Variants in RBAK observed in about 807,000 individuals in gnomAD.
The protein encoded by RBAK is RB associated KRAB zinc finger, also known as RB-associated KRAB zinc finger protein.
RBAK carries 39 observed loss-of-function variants against 65.8 expected under a neutral mutation model. That is an observed-to-expected ratio of 0.59 (90% CI 0.46 to 0.77). The LOEUF (loss-of-function observed/expected upper bound fraction) is 0.77, where lower values mean the gene tolerates loss of function less well. Ranked by LOEUF, RBAK falls within the 30% of genes least tolerant of loss-of-function variation. RBAK has a pLI of 0.00. For missense variants in RBAK, 884 were observed against 855.1 expected (o/e 1.03, Z -0.42); for synonymous variants, 343 against 289.7 (o/e 1.18, Z -1.87).
In RBAK at chr7:5,064,137, C is replaced by T; in HGVS notation, c.681C>T (p.Tyr227=). The part of the protein sequence containing the change: ...EAVFIAHKRA[Y]IGEKPYEWND... Reference sequence around the variant, plus strand: ...TTTTTATTGCTCATAAGAGAGCTTACATAGGGGAGAAGCCCTATGAGTGGA... The same window carrying T: ...TTTTTATTGCTCATAAGAGAGCTTATATAGGGGAGAAGCCCTATGAGTGGA... Residue 227 remains tyrosine, a synonymous_variant, in exon 5 of 5, where the codon TAC becomes TAT. Transcript: ENST00000396912. This position sits in a 1 kb window ranked among gnomAD's most constrained non-coding sequence, Gnocchi z 6.3. The T allele has an allele frequency of 6.2e-7, 1 of 1,613,926 alleles. No homozygotes were observed. Among genetic ancestry groups the T allele is most frequent in the East Asian group, 2.2e-5 (1 of 44,876 alleles).
rs1779243694 is a variant in RBAK, at chr7:5,067,273, A to C, written c.*1672A>C. ...AACTTTAAAAACGAAAAAGAATATA[A>C]ATCTCTATTTGCAGATGCCATGAGT... On this transcript the variant is annotated 3_prime_UTR_variant, in exon 5 of 5. Transcript: ENST00000396912. 6.6e-6 allele frequency: 1 copy of C among 152,184 alleles called. No individual in the cohort carries two copies. The allele number at this position is 152,184 out of a possible 1,614,324, so 9.4% of individuals were successfully genotyped here.
chr7:5,063,102 G>T (rs1350771792), intron 4 of RBAK, among the ~76,000 whole-genome samples: 1 of 152,200 alleles, frequency 6.6e-6, no homozygotes, highest in Non-Finnish European at 1.5e-5. Flanking sequence ...GATTGGGGAA[G>T]TGATAAGTGT....
Position 5,064,791 on chromosome 7 carries a change from T to A in RBAK, c.1335T>A (p.Thr445=), listed in dbSNP as rs765474768. 1 of 1,613,978 alleles carries A rather than the reference T, an allele frequency of 6.2e-7. No homozygotes were observed. The highest frequency in any genetic ancestry group is 1.3e-5 in the African/African-American group (1 of 74,944). Reference sequence around the variant, plus strand: ...TCTTTTCTCGGGTGTCATACCTCACTATACATTATAGAAGTCATTTAGAAG... The same window carrying A: ...TCTTTTCTCGGGTGTCATACCTCACAATACATTATAGAAGTCATTTAGAAG... The part of the protein sequence containing the change: ...GKFFSRVSYL[T]IHYRSHLEEK... Residue 445 remains threonine, a synonymous_variant, in exon 5 of 5, where the codon ACT becomes ACA. Coordinates refer to ENST00000396912, the MANE Select transcript of RBAK (RefSeq NM_021163.4). The surrounding 1 kb of genome is among the most constrained non-coding windows in gnomAD (Gnocchi z 6.3).
intron 4 of RBAK, among the ~76,000 whole-genome samples, chr7:5,059,628 G>A (rs937038767): frequency 6.6e-6 from 1 of 152,124 alleles, no homozygotes; most frequent in Non-Finnish European, 1.5e-5. Flanking sequence ...CATTTGAACT[G>A]AAAAGGTTAG....
chr7:5,046,363 A>C lies in RBAK; in HGVS notation c.-78A>C, dbSNP rs1204695908. On this transcript the variant is annotated 5_prime_UTR_variant, in exon 1 of 5. Coordinates refer to ENST00000396912, the MANE Select transcript of RBAK (RefSeq NM_021163.4). ...AGCAGCCCCGCCCCGGCCTCTCGGG[A>C]GCCGTGGGGCAGAGGCTGCGGAGCC... 1.9e-6 allele frequency: 1 copy of C among 515,972 alleles called. No homozygotes were observed. Among genetic ancestry groups the C allele is most frequent in the East Asian group, 5.5e-5 (1 of 18,318 alleles). 32.0% of individuals were successfully genotyped at this position (515,972 alleles called of 1,614,324 possible). A position where few individuals can be genotyped will look rare whatever the true frequency, so the allele number is the denominator to read the frequency against.
intron 1 of RBAK, among the ~76,000 whole-genome samples, chr7:5,047,270 G>C (rs1788009486): frequency 6.6e-6 from 1 of 152,126 alleles, no homozygotes; most frequent in African/African-American, 2.4e-5. Context: ...ATGCTGGGAT[G>C]CACCTGTGGT....
chr7:5,051,386 G>A (rs1357564927), intron 2 of RBAK, among the ~76,000 whole-genome samples: 1 of 152,044 alleles, frequency 6.6e-6, no homozygotes, highest in Non-Finnish European at 1.5e-5. Context: ...GAGTGGGTAT[G>A]ATTTGTCATG....
Position 5,046,170 on chromosome 7 carries a change from C to G in RBAK, c.-271C>G. Reference sequence around the variant, plus strand: ...CCTGGCCCGTGTGTGTCCTGGCGGCCTGGCCCAGGCTGCCGCTGTACGGTG... The same window carrying G: ...CCTGGCCCGTGTGTGTCCTGGCGGCGTGGCCCAGGCTGCCGCTGTACGGTG... On this transcript the variant is annotated 5_prime_UTR_variant, in exon 1 of 5. Coordinates refer to ENST00000396912, the MANE Select transcript of RBAK (RefSeq NM_021163.4). 2 of 435,996 alleles carry G rather than the reference C, an allele frequency of 4.6e-6. No homozygotes were observed. The highest frequency in any genetic ancestry group is 3.3e-5 in the South Asian group (2 of 60,858). The allele number at this position is 435,996 out of a possible 1,614,324, so 27.0% of individuals were successfully genotyped here.
Position 5,064,326 on chromosome 7 carries a change from A to AACC in RBAK, c.870_871insACC (p.Glu290_Cys291insThr). 6.2e-7 allele frequency: 1 copy of AACC among 1,614,160 alleles called. No individual in the cohort carries two copies. The highest frequency in any genetic ancestry group is 8.5e-7 in the Non-Finnish European group (1 of 1,180,006). ...CTCACACAGGAGAGAAACCTTATGAATGTAATGTATGTGGGAAATCCTTCA... is the reference window on the plus strand; with the variant it reads ...CTCACACAGGAGAGAAACCTTATGAAACCTGTAATGTATGTGGGAAATCCTTCA... On this transcript the variant is annotated inframe_insertion, in exon 5 of 5. Coordinates refer to ENST00000396912, the MANE Select transcript of RBAK (RefSeq NM_021163.4). This position sits in a 1 kb window ranked among gnomAD's most constrained non-coding sequence, Gnocchi z 6.3.
chr7:5,048,951 C>T lies in RBAK; in HGVS notation c.15+860C>T, dbSNP rs1240308904. 6.6e-6 allele frequency among the ~76,000 whole-genome samples: 1 copy of T among 152,196 alleles called. No individual in the cohort carries two copies. Among genetic ancestry groups the T allele is most frequent in the African/African-American group, 2.4e-5 (1 of 41,450 alleles). ...ACAGCACCAAAAGGGAAATTGCCCC[C>T]ATGATCCAATCACCTCCCACCAGGC... On this transcript the variant is annotated intron_variant, in intron 2 of 4. Transcript: ENST00000396912. The surrounding 1 kb of genome is among the most constrained non-coding windows in gnomAD (Gnocchi z 4.4).
rs777718869 is a variant in RBAK at position 5,064,937 on chromosome 7, C to T, written c.1481C>T (p.Ser494Phe). The T allele has an allele frequency of 2.8e-5, 45 of 1,613,836 alleles. No individual in the cohort carries two copies. Among genetic ancestry groups the T allele is most frequent in the Non-Finnish European group, 3.6e-5 (42 of 1,179,976 alleles). Residue 494 changes from serine (S) to phenylalanine (F), a missense_variant, in exon 5 of 5, where the codon TCT (serine) becomes TTT (phenylalanine). Physicochemically the swap from Ser to Phe is radical, Grantham distance 155 (BLOSUM62 -2). Coordinates refer to ENST00000396912, the MANE Select transcript of RBAK (RefSeq NM_021163.4). This position sits in a 1 kb window ranked among gnomAD's most constrained non-coding sequence, Gnocchi z 6.3. ...SHECSECGKF[S>F]QLYLTDHHTA... is the part of the protein sequence containing the mutation. ...GAATGTAGTGAATGTGGAAAGTTCT[C>T]TCAGTTGTATCTCACCGACCATCAT...
rs933626368 is a variant in RBAK at position 5,067,220 on chromosome 7, A to G, written c.*1619A>G. Reference sequence around the variant, plus strand: ...AAAACTAATGCAAGGAAGAGAAACAAAAGGCATAGAGATTAGAAAAGAAGT... The same window carrying G: ...AAAACTAATGCAAGGAAGAGAAACAGAAGGCATAGAGATTAGAAAAGAAGT... On this transcript the variant is annotated 3_prime_UTR_variant, in exon 5 of 5. Coordinates refer to ENST00000396912, the MANE Select transcript of RBAK (RefSeq NM_021163.4). 1 of 152,222 alleles carries G rather than the reference A, an allele frequency of 6.6e-6. No homozygotes were observed. The highest frequency in any genetic ancestry group is 1.5e-5 in the Non-Finnish European group (1 of 68,012). The allele number at this position is 152,222 out of a possible 1,614,324, so 9.4% of individuals were successfully genotyped here.
chr7:5,046,829 A>G (rs541473133), intron 1 of RBAK, among the ~76,000 whole-genome samples: 1 of 152,114 alleles, frequency 6.6e-6, no homozygotes, highest in Non-Finnish European at 1.5e-5. Context: ...TGCTAGGGGA[A>G]GAGACTGGGC....
Position 5,063,758 on chromosome 7 carries a change from A to C in RBAK, c.302A>C (p.Gln101Pro). Residue 101 changes from glutamine (Q) to proline (P), a missense_variant, in exon 5 of 5, where the codon CAA becomes CCA. By Grantham distance (76) the Gln-to-Pro change is moderately conservative. Transcript: ENST00000396912. ...IQENEDKHSRQAACINSKTLT... is the reference protein window; with the variant it reads ...IQENEDKHSRPAACINSKTLT... ...GAAAACGAAGACAAACATTCAAGGCAAGCTGCTTGTATCAATAGCAAAACC... is the reference window on the plus strand; with the variant it reads ...GAAAACGAAGACAAACATTCAAGGCCAGCTGCTTGTATCAATAGCAAAACC... 1 of 1,613,712 alleles carries C rather than the reference A, an allele frequency of 6.2e-7. No homozygotes were observed.
chr7:5,060,900 A>T (rs1486284924), intron 4 of RBAK, among the ~76,000 whole-genome samples: 1 of 152,212 alleles, frequency 6.6e-6, no homozygotes. Context: ...AGCTAAAAAT[A>T]GTTTGTGCAT....
Position 5,065,074 on chromosome 7 carries a change from G to C in RBAK, c.1618G>C (p.Glu540Gln). Residue 540 changes from glutamate (E) to glutamine (Q), a missense_variant, in exon 5 of 5, where the codon GAA becomes CAA. Transcript: ENST00000396912. This position sits in a 1 kb window ranked among gnomAD's most constrained non-coding sequence, Gnocchi z 5.3. ...QPLPKGEKSY[E>Q]CNVCGKLFNE... ...ACTTCCAAAAGGGGAGAAATCCTAT[G>C]AATGTAATGTATGTGGAAAGTTATT... 6.2e-7 allele frequency: 1 copy of C among 1,613,970 alleles called. No individual in the cohort carries two copies. Among genetic ancestry groups the C allele is most frequent in the Non-Finnish European group, 8.5e-7 (1 of 1,179,938 alleles).
chr7:5,065,766 T>G lies in RBAK; in HGVS notation c.*165T>G. 2.1e-6 allele frequency: 1 copy of G among 469,310 alleles called. No individual in the cohort carries two copies. The highest frequency in any genetic ancestry group is 3.6e-6 in the Non-Finnish European group (1 of 278,052). The allele number at this position is 469,310 out of a possible 1,614,324, so 29.1% of individuals were successfully genotyped here. On this transcript the variant is annotated 3_prime_UTR_variant, in exon 5 of 5. Transcript: ENST00000396912. The surrounding 1 kb of genome is among the most constrained non-coding windows in gnomAD (Gnocchi z 5.3). ...TTTCACAGAGAAGAATCCCGAAGAA[T>G]GTAACAAGAAGCAAAGCCTTCAGCA...
rs12668505 is a variant in RBAK at position 5,067,941 on chromosome 7, A to T, written c.*2340A>T. The T allele has an allele frequency of 5.9e-5, 9 of 152,104 alleles. No homozygotes were observed. Among genetic ancestry groups the T allele is most frequent in the South Asian group, 2.1e-4 (1 of 4,834 alleles). 9.4% of individuals were successfully genotyped at this position (152,104 alleles called of 1,614,324 possible). On this transcript the variant is annotated 3_prime_UTR_variant, in exon 5 of 5. Coordinates refer to ENST00000396912, the MANE Select transcript of RBAK (RefSeq NM_021163.4). ...AATATGAAATGTGAAAGCTTTACAAAGAAATCTTAGGACAGTTTGTAATCT... is the reference window on the plus strand; with the variant it reads ...AATATGAAATGTGAAAGCTTTACAATGAAATCTTAGGACAGTTTGTAATCT...
intron 2 of RBAK, among the ~76,000 whole-genome samples, chr7:5,053,316 T>C (rs1788155816): frequency 6.6e-6 from 1 of 152,258 alleles, no homozygotes; most frequent in Non-Finnish European, 1.5e-5. Context: ...ATTGTCTTCC[T>C]GCTTACATTT....
Sources: allele counts gnomAD v4.1 joint callset (sites outside exome capture counted in the v4.1 genomes callset), GRCh38; gene constraint gnomAD v4.1.1; non-coding constraint Gnocchi (gnomAD v3.1); transcripts MANE v1.5; gene names NCBI Gene and HGNC (gene_info 2026-07-23, HGNC 2026-07-21).